NRXN1: variants seen among roughly 807,000 people sequenced by gnomAD.
NRXN1 encodes neurexin 1.
NRXN1 carries 39 observed loss-of-function variants against 150.9 expected under a neutral mutation model. The ratio of observed to expected loss-of-function variants is 0.26; its 90% CI spans 0.20 to 0.34. NRXN1 has a LOEUF of 0.34. Ranked by LOEUF, NRXN1 falls within the 10% of genes least tolerant of loss-of-function variation. The pLI is 1.00. For synonymous variants in NRXN1, 924 were observed against 757.0 expected (o/e 1.22, Z -3.62); for missense variants, 1,815 against 1,949.9 (o/e 0.93, Z 1.30).
At chr2:50,360,844 ATTT>A (rs1390628418) in intron 17 of NRXN1, among the ~76,000 whole-genome samples, 2 of 152,196 alleles carry the variant, frequency 1.3e-5, no homozygotes, top group Non-Finnish European at 2.9e-5. Context: ...TTATTCTAAA[ATTT>A]ACCACATAAT....
chr2:50,619,170 C>A (rs909932598), intron 8 of NRXN1: 1 of 152,158 alleles, frequency 6.6e-6, no homozygotes, highest in African/African-American at 2.4e-5. Context: ...GCACCTATGG[C>A]TAACAGTGAA....
At chr2:50,934,876 T>C (rs1485259408) in intron 2 of NRXN1, among the ~76,000 whole-genome samples, 1 of 152,180 alleles carries the variant, frequency 6.6e-6, no homozygotes, top group Non-Finnish European at 1.5e-5. Context: ...AAAAATGTGT[T>C]TGAATAATTC....
intron 17 of NRXN1, among the ~76,000 whole-genome samples, chr2:50,412,827 C>T (rs913861150): frequency 1.3e-5 from 2 of 152,062 alleles, no homozygotes; most frequent in African/African-American, 4.8e-5. Flanking sequence ...AAAAACATAT[C>T]CTGGGGAAAA....
chr2:50,145,595 G>A (rs1043809698), intron 18 of NRXN1, among the ~76,000 whole-genome samples: 6 of 151,656 alleles, frequency 4.0e-5, no homozygotes, highest in African/African-American at 1.4e-4. Flanking sequence ...TTTTAGGGGA[G>A]AAGAAGGAAG....
At chr2:50,971,457 C>G (rs1315344050) in intron 2 of NRXN1, among the ~76,000 whole-genome samples, 1 of 152,010 alleles carries the variant, frequency 6.6e-6, no homozygotes, top group Non-Finnish European at 1.5e-5. Flanking sequence ...CTGGCAGGCA[C>G]TTGTAATCCC....
At chr2:51,000,511 T>C (rs1699889732) in intron 2 of NRXN1, among the ~76,000 whole-genome samples, 1 of 150,496 alleles carries the variant, frequency 6.6e-6, no homozygotes, top group Non-Finnish European at 1.5e-5. Context: ...CATTTGATTC[T>C]TATATGAAAT....
chr2:50,564,740 C>A (rs766043583), intron 8 of NRXN1, among the ~76,000 whole-genome samples: 4 of 152,096 alleles, frequency 2.6e-5, no homozygotes, highest in East Asian at 1.9e-4. Flanking sequence ...AGTATAGAGA[C>A]CCCAGGTTGA....
intron 17 of NRXN1, among the ~76,000 whole-genome samples, chr2:50,350,156 T>C (rs1410541603): frequency 6.6e-6 from 1 of 152,188 alleles, no homozygotes; most frequent in Non-Finnish European, 1.5e-5. Context: ...ATTGCCTTGT[T>C]TTATGTGTTT....
intron 9 of NRXN1, among the ~76,000 whole-genome samples, chr2:50,539,702 C>G (rs2093347300): frequency 6.6e-6 from 1 of 152,100 alleles, no homozygotes; most frequent in African/African-American, 2.4e-5. Context: ...TATTTCTCAG[C>G]TCCAGATTAT....
At chr2:50,914,054 A>T (rs1045638245) in intron 5 of NRXN1, among the ~76,000 whole-genome samples, 36 of 151,736 alleles carry the variant, frequency 2.4e-4, no homozygotes, top group Non-Finnish European at 1.0e-4. Context: ...ATACATTTTA[A>T]GCAAAATATG....
At chr2:50,433,300 G>A (rs2085134179) in intron 17 of NRXN1, among the ~76,000 whole-genome samples, 1 of 152,122 alleles carries the variant, frequency 6.6e-6, no homozygotes, top group South Asian at 2.1e-4. Flanking sequence ...TATTTGCAGA[G>A]TCTTCTGATT....
Position 50,277,156 on chromosome 2 carries a change from A to C in NRXN1, c.3365-40186T>G, listed in dbSNP as rs193027382. ...ATGGAGTTTAAAACAACAACAACAA[A>C]AAAAGCCTAACATTTGTATTTAGAA... is the stretch of plus-strand genomic sequence containing the variant. On this transcript the variant is annotated intron_variant, in intron 17 of 22. Transcript: ENST00000401669. Among the ~76,000 whole-genome samples the C allele has an allele frequency of 2.2e-4, 34 of 152,320 alleles. No homozygotes were observed. In the East Asian group the frequency reaches 4.6e-3, roughly 21 times the overall value.
At chr2:50,009,551 CA>C (rs1685307305) in intron 21 of NRXN1, among the ~76,000 whole-genome samples, 1 of 152,088 alleles carries the variant, frequency 6.6e-6, no homozygotes, top group Non-Finnish European at 1.5e-5. Flanking sequence ...TTTAGAAATG[CA>C]AAAACTATTT....
chr2:50,188,659 A>C (rs1336750245), intron 18 of NRXN1, among the ~76,000 whole-genome samples: 2 of 152,190 alleles, frequency 1.3e-5, no homozygotes, highest in African/African-American at 4.8e-5. Context: ...TCTACAAGGA[A>C]CTTAAACAAA....
chr2:50,112,812 A>T (rs1702552797), intron 18 of NRXN1, among the ~76,000 whole-genome samples: 1 of 152,110 alleles, frequency 6.6e-6, no homozygotes, highest in Non-Finnish European at 1.5e-5. Context: ...GTTTAAAATA[A>T]TATCTTTATC....
At chr2:50,763,419 G>C (rs57773657) in intron 5 of NRXN1, among the ~76,000 whole-genome samples, 4,825 of 152,006 alleles carry the variant, frequency 0.032, 240 homozygotes, top group African/African-American at 0.11. Flanking sequence ...GACTAAGTAA[G>C]ATAATGCATA....
chr2:50,277,965 G>C (rs928795370), intron 17 of NRXN1, among the ~76,000 whole-genome samples: 3 of 151,192 alleles, frequency 2.0e-5, no homozygotes, highest in African/African-American at 7.3e-5. Flanking sequence ...TTAAGGTCCT[G>C]GTTATTTTAT....
intron 17 of NRXN1, among the ~76,000 whole-genome samples, chr2:50,419,696 T>C (rs1470862805): frequency 1.6e-4 from 25 of 151,980 alleles, no homozygotes; most frequent in Non-Finnish European, 1.5e-5. Flanking sequence ...TTTGAGTAAA[T>C]TGGAAATACT....
rs1276114144 is a variant in NRXN1 at position 51,028,499 on chromosome 2, A to T, written c.-226T>A. ...CTTCCAACTGGAAAACGTTGACCCC[A>T]GTGGTACAGGGTAGCCACAGAACTT... On this transcript the variant is annotated 5_prime_UTR_variant, in exon 2 of 23. Transcript: ENST00000401669. 7.1e-6 allele frequency: 3 copies of T among 420,822 alleles called. No homozygotes were observed. The highest frequency in any genetic ancestry group is 1.3e-5 in the Non-Finnish European group (3 of 238,606). 26.1% of individuals were successfully genotyped at this position (420,822 alleles called of 1,614,324 possible). A position where few individuals can be genotyped will look rare whatever the true frequency, so the allele number is the denominator to read the frequency against.
Sources: allele counts gnomAD v4.1 joint callset (sites outside exome capture counted in the v4.1 genomes callset), GRCh38; gene constraint gnomAD v4.1.1; transcripts MANE v1.5; gene names NCBI Gene and HGNC (gene_info 2026-07-23, HGNC 2026-07-21).